GYPE: variants seen among roughly 807,000 people sequenced by gnomAD.
GYPE encodes glycophorin E (MNS blood group), also known as glycophorin-E.
In GYPE, 8 loss-of-function variants were observed where a neutral mutation model predicts 11.6. The ratio of observed to expected loss-of-function variants is 0.69; its 90% CI spans 0.41 to 1.25. GYPE has a LOEUF of 1.25. Ranked by LOEUF, GYPE falls within the 50% of genes most tolerant of loss-of-function variation. The probability of loss-of-function intolerance (pLI) is 0.01; values close to 1 mark genes in which losing one functional copy is unlikely to be tolerated. For missense variants in GYPE, 90 were observed against 92.8 expected (o/e 0.97, Z 0.12); for synonymous variants, 28 against 29.6 (o/e 0.94, Z 0.18).
At chr4:143,880,325 C>T in intron 2 of GYPE, 86 bp downstream of exon 2, 1 of 1,603,298 alleles carries the variant, frequency 6.2e-7, no homozygotes, top group African/African-American at 1.3e-5. Context: ...TTGTCAGTTT[C>T]TCTGCAGTGA....
intron 1 of GYPE, among the ~76,000 whole-genome samples, chr4:143,893,691 C>T (rs200378864): frequency 6.6e-6 from 1 of 152,168 alleles, no homozygotes; most frequent in Admixed American, 6.5e-5. Context: ...CTCTTAGTCT[C>T]ATGGGCTTCC....
chr4:143,898,948 CAT>C (rs1202828852), intron 1 of GYPE, among the ~76,000 whole-genome samples: 25 of 146,700 alleles, frequency 1.7e-4, no homozygotes, highest in African/African-American at 4.3e-4. Flanking sequence ...CTGTACTATT[CAT>C]GTTTTATGTT....
At chr4:143,882,050 T>G (rs1744039450) in intron 1 of GYPE, among the ~76,000 whole-genome samples, 1 of 152,152 alleles carries the variant, frequency 6.6e-6, no homozygotes, top group African/African-American at 2.4e-5. Flanking sequence ...GGAGAAGACA[T>G]GATCTATTGT....
rs1346822309 is a variant in GYPE, at chr4:143,872,923, C to G, written c.*10-671G>C. ...AGGTGAGCTGAGCATGTGGACAGGT[C>G]AGAACTTCAGAGAGCATGCTAACAA... On this transcript the variant is annotated intron_variant, in intron 3 of 3. Transcript: ENST00000358615. Among the ~76,000 whole-genome samples, 3 of 151,892 alleles carry G rather than the reference C, an allele frequency of 2.0e-5. No individual in the cohort carries two copies. In the East Asian group the frequency reaches 5.8e-4, roughly 29 times the overall value.
chr4:143,903,564 C>T (rs1306720967), intron 1 of GYPE, among the ~76,000 whole-genome samples: 1 of 144,284 alleles, frequency 6.9e-6, no homozygotes, highest in Admixed American at 7.0e-5. Flanking sequence ...AAAAAGACTT[C>T]ACCATGTTTA....
intron 1 of GYPE, among the ~76,000 whole-genome samples, chr4:143,899,012 A>G (rs1366216666): frequency 2.8e-5 from 4 of 143,286 alleles, no homozygotes; most frequent in Non-Finnish European, 6.0e-5. Flanking sequence ...GATGACTGGG[A>G]AATAAGTGAT....
At chr4:143,876,601 C>A (rs1172812659) in intron 3 of GYPE, 145 bp downstream of exon 3, 1 of 577,874 alleles carries the variant, frequency 1.7e-6, no homozygotes. Context: ...TAGAGAAACA[C>A]AGTGACTTCT....
At chr4:143,874,947 G>A (rs1409442437) in intron 3 of GYPE, among the ~76,000 whole-genome samples, 2 of 152,158 alleles carry the variant, frequency 1.3e-5, no homozygotes, top group Non-Finnish European at 2.9e-5. Context: ...ATCAATGGAT[G>A]CTAAAGTAAG....
intron 1 of GYPE, among the ~76,000 whole-genome samples, chr4:143,894,407 T>A (rs1007437974): frequency 5.9e-5 from 9 of 151,992 alleles, no homozygotes; most frequent in African/African-American, 2.2e-4. Flanking sequence ...AGTTTCCAGT[T>A]TTTCTGCTCT....
chr4:143,876,582 A>G (rs1743818670), intron 3 of GYPE, among the ~76,000 whole-genome samples, 164 bp downstream of exon 3: 1 of 152,170 alleles, frequency 6.6e-6, no homozygotes, highest in Admixed American at 6.5e-5. Context: ...TGCAAAAAAT[A>G]AATTATGCTA....
At chr4:143,877,431 T>C (rs1309938500) in intron 2 of GYPE, among the ~76,000 whole-genome samples, 1 of 152,210 alleles carries the variant, frequency 6.6e-6, no homozygotes, top group Non-Finnish European at 1.5e-5. Flanking sequence ...CCTTCCACAG[T>C]ATTCTTATGC....
intron 1 of GYPE, among the ~76,000 whole-genome samples, chr4:143,895,596 GAT>G (rs1420927862): frequency 6.7e-6 from 1 of 149,218 alleles, no homozygotes; most frequent in South Asian, 2.2e-4. Flanking sequence ...GAAATTTATA[GAT>G]TCAATGCCAT....
chr4:143,898,509 C>G (rs1370041853), intron 1 of GYPE, among the ~76,000 whole-genome samples: 1 of 152,144 alleles, frequency 6.6e-6, no homozygotes, highest in African/African-American at 2.4e-5. Flanking sequence ...ATATATTTCA[C>G]AATGATTCTT....
At position 143,905,465 on chromosome 4, in the gene GYPE, A is replaced by C. The variant is rs747336899; in HGVS notation, c.37+6T>G. 108 of 1,613,076 alleles carry C rather than the reference A, an allele frequency of 6.7e-5. 1 individual carries two copies. In the Admixed American group the frequency reaches 1.8e-3, roughly 26 times the overall value. On this transcript the variant is annotated splice_donor_region_variant and intron_variant, in intron 1 of 3. Coordinates refer to ENST00000358615, the MANE Select transcript of GYPE (RefSeq NM_198682.3). ...AACAGAACCAAGATGAAATAAAATC[A>C]CTTACCTGACAATAGTAATACAAAG...
intron 1 of GYPE, among the ~76,000 whole-genome samples, chr4:143,887,619 C>A (rs1190237706): frequency 6.7e-6 from 1 of 149,654 alleles, no homozygotes; most frequent in Admixed American, 6.7e-5. Flanking sequence ...AAAGAAATAG[C>A]ATGGGCCTAA....
At chr4:143,894,412 T>G (rs1292219834) in intron 1 of GYPE, among the ~76,000 whole-genome samples, 2 of 152,068 alleles carry the variant, frequency 1.3e-5, no homozygotes, top group African/African-American at 4.8e-5. Context: ...CCAGTTTTTC[T>G]GCTCTGTTTT....
chr4:143,881,760 A>C (rs530359540), intron 1 of GYPE, among the ~76,000 whole-genome samples: 85 of 152,282 alleles, frequency 5.6e-4, no homozygotes, highest in African/African-American at 1.9e-3. Context: ...CATTATGATA[A>C]ACGTCAGTAC....
At chr4:143,897,660 AT>A (rs1560950743) in intron 1 of GYPE, among the ~76,000 whole-genome samples, 2 of 152,188 alleles carry the variant, frequency 1.3e-5, no homozygotes, top group Non-Finnish European at 2.9e-5. Context: ...GAACCTGGTT[AT>A]ACCCTATGTG....
intron 1 of GYPE, among the ~76,000 whole-genome samples, chr4:143,893,760 A>T (rs992613504): frequency 1.3e-5 from 2 of 151,826 alleles, no homozygotes; most frequent in Non-Finnish European, 2.9e-5. Context: ...CCTTCATTTC[A>T]ACTTTGGTGA....
Sources: allele counts gnomAD v4.1 joint callset (sites outside exome capture counted in the v4.1 genomes callset), GRCh38; gene constraint gnomAD v4.1.1; transcripts MANE v1.5; gene names NCBI Gene and HGNC (gene_info 2026-07-23, HGNC 2026-07-21).